Variants in NCK2 observed in about 807,000 individuals in gnomAD.
NCK2 encodes the protein NCK adaptor protein 2, also known as cytoplasmic protein NCK2.
NCK2 carries 16 observed loss-of-function variants against 33.9 expected under a neutral mutation model. The observed-to-expected ratio is 0.47, with a 90% CI of 0.32 to 0.72. NCK2 has a LOEUF of 0.72. Ranked by LOEUF, NCK2 falls within the 30% of genes least tolerant of loss-of-function variation. The pLI is 0.03. For synonymous variants in NCK2, 273 were observed against 239.9 expected, an observed-to-expected ratio of 1.14 and a Z score of -1.27; for missense variants, 418 against 537.3, an observed-to-expected ratio of 0.78 and a Z score of 2.19.
chr2:105,792,586 T>C (rs1690926907), intron 1 of NCK2, among the ~76,000 whole-genome samples: 1 of 152,116 alleles, frequency 6.6e-6, no homozygotes. Flanking sequence ...GATCTATTGA[T>C]TTGTCCAAAC....
At chr2:105,777,970 T>C (rs1310362111) in intron 1 of NCK2, among the ~76,000 whole-genome samples, 1 of 152,212 alleles carries the variant, frequency 6.6e-6, no homozygotes, top group Non-Finnish European at 1.5e-5. Flanking sequence ...GTTCTTTTGT[T>C]TGAGACCTGG....
At chr2:105,891,104 GC>G (rs1678953364) in intron 4 of NCK2, among the ~76,000 whole-genome samples, 1 of 152,182 alleles carries the variant, frequency 6.6e-6, no homozygotes, top group Admixed American at 6.5e-5. Flanking sequence ...GGGCTCTCCT[GC>G]CCCCACACGC....
At chr2:105,884,261 C>T (rs568362115) in intron 4 of NCK2, among the ~76,000 whole-genome samples, 3 of 152,290 alleles carry the variant, frequency 2.0e-5, no homozygotes, top group Admixed American at 6.5e-5. Context: ...TGCCTCCCCC[C>T]GTCCCCATGT....
At chr2:105,747,635 C>T (rs1689329859) in intron 1 of NCK2, among the ~76,000 whole-genome samples, 1 of 152,166 alleles carries the variant, frequency 6.6e-6, no homozygotes, top group African/African-American at 2.4e-5. Context: ...AGTAAGCTAA[C>T]TTTTTTCACA....
intron 1 of NCK2, among the ~76,000 whole-genome samples, chr2:105,790,121 T>A (rs898807405): frequency 2.6e-5 from 4 of 152,274 alleles, no homozygotes; most frequent in African/African-American, 9.6e-5. Context: ...TAAAAGTTGA[T>A]TTGTGAGCTA....
At chr2:105,843,226 C>A (rs997871697) in intron 2 of NCK2, among the ~76,000 whole-genome samples, 3 of 151,434 alleles carry the variant, frequency 2.0e-5, no homozygotes, top group Non-Finnish European at 4.4e-5. Context: ...TATATATAGC[C>A]CGAAGGTAAT....
At chr2:105,755,429 C>T (rs1411733527) in intron 1 of NCK2, among the ~76,000 whole-genome samples, 2 of 152,186 alleles carry the variant, frequency 1.3e-5, no homozygotes, top group Non-Finnish European at 2.9e-5. Context: ...TGCCGAGCAC[C>T]TCATCCCTCA....
At chr2:105,886,126 A>G (rs1415829083) in intron 4 of NCK2, among the ~76,000 whole-genome samples, 1 of 152,256 alleles carries the variant, frequency 6.6e-6, no homozygotes, top group African/African-American at 2.4e-5. Flanking sequence ...GCCTGTAGGC[A>G]TCTTTCCAGT....
intron 2 of NCK2, among the ~76,000 whole-genome samples, chr2:105,835,407 G>GTATATATATA (rs1491345836): frequency 2.0e-4 from 4 of 19,688 alleles, no homozygotes; most frequent in Admixed American, 1.2e-3. Context: ...ATATATATAC[G>GTATATATATA]TGTATATATA....
chr2:105,772,246 T>TATA (rs1458387319), intron 1 of NCK2, among the ~76,000 whole-genome samples: 2 of 152,140 alleles, frequency 1.3e-5, no homozygotes, highest in Admixed American at 6.5e-5. Flanking sequence ...TTATTTAGAC[T>TATA]GTTGATTTTT....
chr2:105,768,448 T>C (rs4851860), intron 1 of NCK2, among the ~76,000 whole-genome samples: 51,185 of 152,106 alleles, frequency 0.34, 9,730 homozygotes, highest in East Asian at 0.46. Flanking sequence ...ACCAGTTGCA[T>C]GTCCTAAGCC....
At chr2:105,744,718 G>T (rs552452242), upstream of NCK2, among the ~76,000 whole-genome samples, 2 of 151,152 alleles carry the variant, frequency 1.3e-5, no homozygotes, top group African/African-American at 2.4e-5. Context: ...TGGCGACGAC[G>T]GGGGGCGCCC....
intron 1 of NCK2, among the ~76,000 whole-genome samples, chr2:105,812,020 A>C (rs1301956551): frequency 6.6e-6 from 1 of 152,210 alleles, no homozygotes; most frequent in Non-Finnish European, 1.5e-5. Flanking sequence ...AGAGAATTAG[A>C]AATTAGTTCT....
chr2:105,847,624 T>A (rs1676902551), intron 2 of NCK2, among the ~76,000 whole-genome samples: 1 of 152,016 alleles, frequency 6.6e-6, no homozygotes, highest in Non-Finnish European at 1.5e-5. Flanking sequence ...GAGAGGGGCC[T>A]GGTGGGACAC....
chr2:105,846,485 AAAAAT>A (rs1676858548), intron 2 of NCK2: 1 of 152,222 alleles, frequency 6.6e-6, no homozygotes, highest in Non-Finnish European at 1.5e-5. Flanking sequence ...CTGAAAAAAA[AAAAAT>A]AATAGGAGGG....
At chr2:105,795,662 A>C (rs1448956525) in intron 1 of NCK2, among the ~76,000 whole-genome samples, 1 of 152,320 alleles carries the variant, frequency 6.6e-6, no homozygotes, top group East Asian at 1.9e-4. Flanking sequence ...GATTGTCACC[A>C]ATTTAGGCAG....
chr2:105,814,316 T>C (rs907377618), intron 1 of NCK2, among the ~76,000 whole-genome samples: 2 of 152,358 alleles, frequency 1.3e-5, no homozygotes, highest in Admixed American at 1.3e-4. Flanking sequence ...AAACATCGCA[T>C]GCAACCTTCA....
intron 2 of NCK2, among the ~76,000 whole-genome samples, chr2:105,825,066 C>T (rs548962615): frequency 2.8e-4 from 43 of 152,240 alleles, no homozygotes; most frequent in Admixed American, 1.3e-3. Flanking sequence ...TGCTTGGGGA[C>T]GGAGTGGAGG....
intron 1 of NCK2, among the ~76,000 whole-genome samples, chr2:105,767,397 G>C (rs1386489807): frequency 6.6e-6 from 1 of 152,150 alleles, no homozygotes; most frequent in Non-Finnish European, 1.5e-5. Context: ...TTTGTGAAAG[G>C]TGTTCTTTAT....
Sources: allele counts gnomAD v4.1 joint callset (sites outside exome capture counted in the v4.1 genomes callset), GRCh38; gene constraint gnomAD v4.1.1; transcripts MANE v1.5; gene names NCBI Gene and HGNC (gene_info 2026-07-23, HGNC 2026-07-21).